TIPIN: variants seen among roughly 807,000 people sequenced by gnomAD.
The protein encoded by TIPIN is TIMELESS-interacting protein.
In TIPIN, 29 loss-of-function variants were observed where a neutral mutation model predicts 35.6. The ratio of observed to expected loss-of-function variants is 0.82; its 90% CI spans 0.61 to 1.11. TIPIN has a LOEUF of 1.11. Ranked by LOEUF, TIPIN falls within the 50% of genes most tolerant of loss-of-function variation. The pLI is 0.00. For synonymous variants in TIPIN, 102 were observed against 121.5 expected (o/e 0.84, Z 1.06); for missense variants, 296 against 345.4 (o/e 0.86, Z 1.13).
In TIPIN at chr15:66,352,812, T is replaced by A. The variant is rs1157824888; in HGVS notation, c.133+3A>T. The A allele has an allele frequency of 6.2e-7, 1 of 1,611,024 alleles. No homozygotes were observed. Among genetic ancestry groups the A allele is most frequent in the Non-Finnish European group, 8.5e-7 (1 of 1,179,394 alleles). Reference sequence around the variant, plus strand: ...CCTCCTTTTTAAAACTCTCTATACATACCTTCATCAGGCTCAGTTCCTTCA... The same window carrying A: ...CCTCCTTTTTAAAACTCTCTATACAAACCTTCATCAGGCTCAGTTCCTTCA... On this transcript the variant is annotated splice_donor_region_variant and intron_variant, in intron 2 of 7. Transcript: ENST00000261881.
chr15:66,359,174 G>GAC (rs144363122), upstream of TIPIN, among the ~76,000 whole-genome samples: 26,223 of 134,744 alleles, frequency 0.19, 2,260 homozygotes, highest in Non-Finnish European at 0.21. Context: ...CACACACACA[G>GAC]ACACACACAC....
At chr15:66,369,493 C>T (rs941901167) in intron 1 of TIPIN, among the ~76,000 whole-genome samples, 9 of 151,544 alleles carry the variant, frequency 5.9e-5, no homozygotes, top group South Asian at 4.2e-4. Flanking sequence ...GGACTACAGG[C>T]GCCTGCCACC....
rs1424531379 is a variant in TIPIN at position 66,349,348 on chromosome 15, T to A, written c.378A>T (p.Arg126Ser). 6.2e-7 allele frequency: 1 copy of A among 1,613,948 alleles called. No homozygotes were observed. ...PKLQFEDFIDRVEYLGSKKEV... is the reference protein window; with the variant it reads ...PKLQFEDFIDSVEYLGSKKEV... ...CCTTTTTACTTCCCAGGTATTCAACTCTGTCAATAAAATCCTCAAACTGCA... is the reference window on the plus strand; with the variant it reads ...CCTTTTTACTTCCCAGGTATTCAACACTGTCAATAAAATCCTCAAACTGCA... The change falls in exon 5 of 8, where the codon AGA (arginine) becomes AGT (serine). Residue 126 changes from arginine (R) to serine (S), a missense_variant. Physicochemically the swap from Arg to Ser is moderately radical, Grantham distance 110 (BLOSUM62 -1). Transcript: ENST00000261881.
chr15:66,351,980 A>T, intron 3 of TIPIN, 149 bp downstream of exon 3: 3 of 648,424 alleles, frequency 4.6e-6, no homozygotes, highest in Middle Eastern at 4.2e-4. Flanking sequence ...GCAAGACCAT[A>T]AGAAAAAATA....
intron 1 of TIPIN, among the ~76,000 whole-genome samples, chr15:66,372,660 C>T (rs977135215): frequency 6.6e-6 from 1 of 152,184 alleles, no homozygotes; most frequent in Non-Finnish European, 1.5e-5. Context: ...AATCCCAGCA[C>T]TTTGGGATGC....
chr15:66,382,125 A>G (rs921954330), intron 1 of TIPIN, among the ~76,000 whole-genome samples: 3 of 152,088 alleles, frequency 2.0e-5, no homozygotes, highest in Non-Finnish European at 2.9e-5. Context: ...CACCATCACC[A>G]TTTATTTAGC....
intron 7 of TIPIN, among the ~76,000 whole-genome samples, chr15:66,340,054 A>T (rs1450744107): frequency 1.3e-5 from 2 of 150,376 alleles, no homozygotes; most frequent in Non-Finnish European, 3.0e-5. Context: ...TTGTATTTTT[A>T]GTAGAGACGG....
chr15:66,373,024 TTGTAGCCTAGGAGCAATAGGCTGTATCA>T (rs958788186), intron 1 of TIPIN, among the ~76,000 whole-genome samples: 1 of 152,190 alleles, frequency 6.6e-6, no homozygotes, highest in Non-Finnish European at 1.5e-5. Flanking sequence ...ACATATAGGT[TTGTAGCCTAGGAGCAATAGGCTGTATCA>T]TGTAGCCTAG....
intron 1 of TIPIN, among the ~76,000 whole-genome samples, chr15:66,362,702 C>T (rs1388450111): frequency 6.6e-6 from 1 of 152,124 alleles, no homozygotes; most frequent in Admixed American, 6.6e-5. Context: ...ACCTAGGCGA[C>T]AGAAAAGACT....
intron 1 of TIPIN, among the ~76,000 whole-genome samples, chr15:66,384,058 G>A (rs185170080): frequency 0.012 from 1,886 of 151,884 alleles, 28 homozygotes; most frequent in African/African-American, 0.041. Context: ...GTGCAGTGGC[G>A]CGATCTCGGC....
chr15:66,351,679 C>T (rs1595797862), intron 3 of TIPIN, 79 bp from the exon 4 acceptor site: 7 of 1,272,634 alleles, frequency 5.5e-6, no homozygotes, highest in East Asian at 2.5e-5. Context: ...ACTCTGTCGC[C>T]CAGGCTGGGA....
chr15:66,358,020 G>A (rs867802429), upstream of TIPIN, among the ~76,000 whole-genome samples: 44 of 152,104 alleles, frequency 2.9e-4, no homozygotes, highest in Admixed American at 5.2e-4. Flanking sequence ...CACTTTGAGA[G>A]GCTGACGCAG....
upstream of TIPIN, among the ~76,000 whole-genome samples, chr15:66,360,566 C>T (rs1013800703): frequency 6.6e-6 from 1 of 152,098 alleles, no homozygotes; most frequent in African/African-American, 2.4e-5. Context: ...GCAGTGGCTC[C>T]CGTCTGTAAT....
chr15:66,375,184 T>A (rs899027937), intron 1 of TIPIN, among the ~76,000 whole-genome samples: 1 of 151,948 alleles, frequency 6.6e-6, no homozygotes, highest in Non-Finnish European at 1.5e-5. Flanking sequence ...GAGGCTGAGG[T>A]GAGAAGATCG....
intron 6 of TIPIN, among the ~76,000 whole-genome samples, chr15:66,342,186 CAAAAAAA>C (rs55711983): frequency 0.3 from 33,256 of 109,154 alleles, 4,510 homozygotes; most frequent in East Asian, 0.4. Flanking sequence ...AAGACTGTCT[CAAAAAAA>C]AAAAAAAAAA....
At chr15:66,351,871 C>A (rs1215848417) in intron 3 of TIPIN, among the ~76,000 whole-genome samples, 1 of 152,114 alleles carries the variant, frequency 6.6e-6, no homozygotes, top group Non-Finnish European at 1.5e-5. Flanking sequence ...AATCTCCTGA[C>A]CTCGTGATCC....
intron 6 of TIPIN, among the ~76,000 whole-genome samples, chr15:66,344,452 A>G (rs1046042724): frequency 2.0e-5 from 3 of 152,108 alleles, no homozygotes; most frequent in Admixed American, 6.6e-5. Flanking sequence ...GCAAAAAACT[A>G]CTTTTTATGA....
In TIPIN at chr15:66,356,673, C is replaced by T; in HGVS notation, c.-43G>A. On this transcript the variant is annotated 5_prime_UTR_variant, in exon 1 of 8. Transcript: ENST00000261881. ...AAAACACGGGACACAGCGCGGACCT[C>T]GGCGTGCAGACTAAGCGCGCTTCTC... 1.0e-6 allele frequency: 1 copy of T among 985,670 alleles called. No homozygotes were observed. The highest frequency in any genetic ancestry group is 1.2e-6 in the Non-Finnish European group (1 of 830,124). The allele number at this position is 985,670 out of a possible 1,614,324, so 61.1% of individuals were successfully genotyped here. A position where few individuals can be genotyped will look rare whatever the true frequency, so the allele number is the denominator to read the frequency against.
intron 7 of TIPIN, among the ~76,000 whole-genome samples, chr15:66,338,306 G>A (rs551579270): frequency 1.6e-4 from 25 of 152,116 alleles, no homozygotes; most frequent in Admixed American, 3.9e-4. Context: ...AACCAAGTGC[G>A]TTTAGGTTTT....
Sources: allele counts gnomAD v4.1 joint callset (sites outside exome capture counted in the v4.1 genomes callset), GRCh38; gene constraint gnomAD v4.1.1; transcripts MANE v1.5; gene names NCBI Gene and HGNC (gene_info 2026-07-23, HGNC 2026-07-21).